Variants in ZNF334 observed in about 807,000 individuals in gnomAD.
ZNF334 encodes the protein zinc finger protein 334.
ZNF334 carries 14 observed loss-of-function variants against 12.4 expected under a neutral mutation model. The observed-to-expected ratio is 1.13, with a 90% CI of 0.74 to 1.76. ZNF334 has a LOEUF of 1.76. Among genes scored for constraint, ZNF334 ranks in the 40% most tolerant of loss-of-function variants. ZNF334 has a pLI of 0.00. For synonymous variants in ZNF334, 273 were observed against 269.6 expected, an observed-to-expected ratio of 1.01 and a Z score of -0.12; for missense variants, 797 against 804.5, an observed-to-expected ratio of 0.99 and a Z score of 0.11.
the ZNF334 span, among the ~76,000 whole-genome samples, chr20:46,472,019 A>G: frequency 6.6e-6 from 1 of 152,238 alleles, no homozygotes; most frequent in Non-Finnish European, 1.5e-5. Context: ...AAATCTTGAC[A>G]TCTTTACAAT....
At chr20:46,506,781 C>T (rs1382679177) in intron 2 of ZNF334, 4 of 154,848 alleles carry the variant, frequency 2.6e-5, no homozygotes, top group South Asian at 2.1e-4. Context: ...AGGAGTGACA[C>T]TTCTCTAAAA....
Position 46,502,027 on chromosome 20 carries a change from A to G in ZNF334, c.1312T>C (p.Cys438Arg). ...GATTTCGTACATAAAAATTTTCCAC[A>G]TTGACTGCATTCATAGGGCTTCTCT... ...TGEKPYECSQ[C>R]GKFLCTKSAL... Residue 438 changes from cysteine (C) to arginine (R), a missense_variant, in exon 5 of 5, where the codon TGT becomes CGT. Cys to Arg is a radical substitution (Grantham distance 180). Coordinates refer to ENST00000692313, the MANE Select transcript of ZNF334 (RefSeq NM_001353824.2). The G allele has an allele frequency of 1.2e-6, 2 of 1,614,118 alleles. No individual in the cohort carries two copies. The highest frequency in any genetic ancestry group is 1.7e-6 in the Non-Finnish European group (2 of 1,180,018).
At chr20:46,464,331 G>C in the ZNF334 span, 5 of 539,982 alleles carry the variant, frequency 9.3e-6, no homozygotes, top group African/African-American at 1.9e-5. Context: ...CGGCATTCTG[G>C]GTAGGACACT....
chr20:46,494,745 A>G (rs1204929163), downstream of ZNF334, among the ~76,000 whole-genome samples: 1 of 152,218 alleles, frequency 6.6e-6, no homozygotes, highest in Non-Finnish European at 1.5e-5. Context: ...CTATCAGGTC[A>G]AACTGCTAAC....
At chr20:46,476,675 A>C in the ZNF334 span, among the ~76,000 whole-genome samples, 1,233 of 152,310 alleles carry the variant, frequency 8.1e-3, 10 homozygotes, top group Non-Finnish European at 0.012. Flanking sequence ...TACTTGTATT[A>C]TGCTGCTGAC....
At chr20:46,483,127 A>G in the ZNF334 span, among the ~76,000 whole-genome samples, 1 of 152,216 alleles carries the variant, frequency 6.6e-6, no homozygotes, top group Non-Finnish European at 1.5e-5. Flanking sequence ...GATAGTATCC[A>G]GGTTTTAAAT....
At chr20:46,504,548 C>A in intron 3 of ZNF334, 66 bp downstream of exon 3, 1 of 1,518,552 alleles carries the variant, frequency 6.6e-7, no homozygotes, top group Non-Finnish European at 8.8e-7. Context: ...TTCTAGAAAT[C>A]AACATGTTTT....
intron 2 of ZNF334, among the ~76,000 whole-genome samples, chr20:46,508,810 A>T (rs2061534000): frequency 6.6e-6 from 1 of 152,222 alleles, no homozygotes. Context: ...ATATAAACGA[A>T]AAATCCTGTT....
rs888003467 is a variant in ZNF334, at chr20:46,503,040, G to C, written c.299C>G (p.Thr100Ser). The C allele has an allele frequency of 8.1e-6, 13 of 1,611,494 alleles. No homozygotes were observed. The highest frequency in any genetic ancestry group is 1.0e-5 in the Non-Finnish European group (12 of 1,179,230). The change falls in exon 5 of 5, where the codon ACT becomes AGT. Residue 100 changes from threonine to serine, a missense_variant. Coordinates refer to ENST00000692313, the MANE Select transcript of ZNF334 (RefSeq NM_001353824.2). Reference protein sequence around the residue: ...KEIQDKHLTQTVFFSNKTLIT... With the variant: ...KEIQDKHLTQSVFFSNKTLIT... ...CAGTGTTTTGTTGCTGAAGAATACA[G>C]TTTGTGTCAAATGTTTATCTTGGAT...
At chr20:46,504,407 C>T (rs1601035659) in intron 3 of ZNF334, 101 bp from the exon 4 acceptor site, 1 of 1,200,198 alleles carries the variant, frequency 8.3e-7, no homozygotes, top group Middle Eastern at 1.9e-4. Flanking sequence ...AATGAAGATG[C>T]CCAGCAATAG....
At chr20:46,480,523 T>C in the ZNF334 span, among the ~76,000 whole-genome samples, 1 of 151,864 alleles carries the variant, frequency 6.6e-6, no homozygotes, top group African/African-American at 2.4e-5. Flanking sequence ...CACAAACCTA[T>C]CTGGGTGTGT....
At chr20:46,489,850 A>G in the ZNF334 span, among the ~76,000 whole-genome samples, 2 of 152,200 alleles carry the variant, frequency 1.3e-5, no homozygotes, top group Non-Finnish European at 1.5e-5. Context: ...TAGAATGAAG[A>G]AGATAACAGA....
rs531790898 is a variant in ZNF334, at chr20:46,506,267, G to A, written c.22-1527C>T. 1.7e-5 allele frequency: 9 copies of A among 520,056 alleles called. No individual in the cohort carries two copies. The Admixed American group carries it at 2.8e-4, about 16-fold the overall frequency. 32.2% of individuals were successfully genotyped at this position (520,056 alleles called of 1,614,324 possible). A position where few individuals can be genotyped will look rare whatever the true frequency, so the allele number is the denominator to read the frequency against. On this transcript the variant is annotated intron_variant, in intron 2 of 4. Coordinates refer to ENST00000692313, the MANE Select transcript of ZNF334 (RefSeq NM_001353824.2). ...AGGTCTCCATGAACTGATATGAAGTGAAAAAAGCAAAGTATTAAAGAATAT... is the reference window on the plus strand; with the variant it reads ...AGGTCTCCATGAACTGATATGAAGTAAAAAAAGCAAAGTATTAAAGAATAT...
chr20:46,501,866 A>G lies in ZNF334; in HGVS notation c.1473T>C (p.Phe491=). 6.2e-7 allele frequency: 1 copy of G among 1,614,040 alleles called. No homozygotes were observed. Residue 491 remains phenylalanine (F), a synonymous_variant, in exon 5 of 5, where the codon TTT becomes TTC. Transcript: ENST00000692313. ...CAATGGAGATTCTACCACATTTATT[A>G]AACACACCATGTTTCTCTCCTGTGT... ...RTHTGEKHGV[F]NKCGRISIVK...
the ZNF334 span, among the ~76,000 whole-genome samples, chr20:46,468,683 A>G: frequency 2.6e-5 from 4 of 152,266 alleles, no homozygotes; most frequent in East Asian, 3.9e-4. Context: ...GTTGCCATGG[A>G]AAGAGGCTGT....
the ZNF334 span, among the ~76,000 whole-genome samples, chr20:46,480,759 G>A: frequency 1.3e-5 from 2 of 152,188 alleles, no homozygotes; most frequent in South Asian, 2.1e-4. Flanking sequence ...AGGCTCAGAT[G>A]CATGCTGGGC....
chr20:46,501,727 T>C lies in ZNF334; in HGVS notation c.1612A>G (p.Thr538Ala). The C allele has an allele frequency of 6.2e-7, 1 of 1,614,128 alleles. No homozygotes were observed. Among genetic ancestry groups the C allele is most frequent in the Non-Finnish European group, 8.5e-7 (1 of 1,180,000 alleles). ...CATTCATATGGTCTCTCCCATATAGTTCTCTGATGTACAATGAGGTGTGAG... is the reference window on the plus strand; with the variant it reads ...CATTCATATGGTCTCTCCCATATAGCTCTCTGATGTACAATGAGGTGTGAG... ...KNSHLIVHQRTIWERPYECNE... is the reference protein window; with the variant it reads ...KNSHLIVHQRAIWERPYECNE... Residue 538 changes from threonine to alanine, a missense_variant, in exon 5 of 5, where the codon ACT (threonine) becomes GCT (alanine). Physicochemically the swap from Thr to Ala is moderately conservative, Grantham distance 58. Transcript: ENST00000692313.
chr20:46,502,938 T>C lies in ZNF334; in HGVS notation c.401A>G (p.Tyr134Cys). The change falls in exon 5 of 5, where the codon TAT (tyrosine) becomes TGT (cysteine). Residue 134 changes from tyrosine (Y) to cysteine (C), a missense_variant. By Grantham distance (194) the Tyr-to-Cys change is radical. Transcript: ENST00000692313. Reference protein sequence around the residue: ...MNSVPSRKMPYKCNPGGNSLK... With the variant: ...MNSVPSRKMPCKCNPGGNSLK... ...ACTGTTTCCTCCTGGATTACATTTATAGGGCATTTTTCTTGAGGGAACACT... is the reference window on the plus strand; with the variant it reads ...ACTGTTTCCTCCTGGATTACATTTACAGGGCATTTTTCTTGAGGGAACACT... The C allele has an allele frequency of 6.2e-7, 1 of 1,614,056 alleles. No homozygotes were observed. The highest frequency in any genetic ancestry group is 8.5e-7 in the Non-Finnish European group (1 of 1,179,970).
chr20:46,496,936 T>A (rs1052565722), downstream of ZNF334, among the ~76,000 whole-genome samples: 2 of 152,206 alleles, frequency 1.3e-5, no homozygotes. Flanking sequence ...AGTGTTCACT[T>A]TCACTACTTG....
Sources: gnomAD v4.1 joint callset for allele counts (sites outside exome capture counted in the v4.1 genomes callset) on GRCh38, gnomAD v4.1.1 for gene constraint, MANE v1.5 for transcripts, NCBI Gene and HGNC (gene_info 2026-07-23, HGNC 2026-07-21) for gene names.